Variants in TASP1 observed in about 807,000 individuals in gnomAD.
TASP1 encodes threonine aspartase 1.
In TASP1, 16 loss-of-function variants were observed where a neutral mutation model predicts 56.6. The ratio of observed to expected loss-of-function variants is 0.28; its 90% confidence interval spans 0.19 to 0.43. TASP1 has a LOEUF of 0.43. Among genes scored for constraint, TASP1 ranks in the 20% least tolerant of loss-of-function variants. The pLI, the probability that TASP1 is intolerant of heterozygous loss-of-function variation, is 1.00. For missense variants in TASP1, 393 were observed against 511.6 expected (o/e 0.77, Z 2.24); for synonymous variants, 179 against 184.2 (o/e 0.97, Z 0.23).
At chr20:13,381,033 G>A in the TASP1 span, among the ~76,000 whole-genome samples, 11 of 152,138 alleles carry the variant, frequency 7.2e-5, no homozygotes, top group Admixed American at 1.3e-4. Flanking sequence ...GGGATCTGCC[G>A]AGCTAGACCA....
the TASP1 span, among the ~76,000 whole-genome samples, chr20:13,134,023 A>C: frequency 6.6e-6 from 1 of 152,200 alleles, no homozygotes. Context: ...GGCCACGCTC[A>C]AACTGTGAAC....
chr20:13,330,172 T>C, the TASP1 span, among the ~76,000 whole-genome samples: 5 of 151,996 alleles, frequency 3.3e-5, no homozygotes, highest in African/African-American at 1.2e-4. Flanking sequence ...GGCCAGGCTG[T>C]CTGAACTCCT....
At chr20:13,419,764 G>C (rs959381978) in intron 12 of TASP1, among the ~76,000 whole-genome samples, 2 of 152,164 alleles carry the variant, frequency 1.3e-5, no homozygotes, top group African/African-American at 4.8e-5. Flanking sequence ...GGGCAAAATG[G>C]AGTTCCTCAG....
In TASP1 at chr20:13,415,444, CT is replaced by C. The variant is rs368921864; in HGVS notation, c.1170+2003del. Among the ~76,000 whole-genome samples the C allele has an allele frequency of 9.7e-3, 1,289 of 133,008 alleles. 7 individuals are homozygous for C. The highest frequency in any genetic ancestry group is 0.022 in the Admixed American group (287 of 13,204). The allele number at this position is 133,008 out of a possible 152,430, so 87.3% of individuals were successfully genotyped here. ...ATTAGTGTTTTTGTTTTGGGGTTTT[CT>C]TTTTTTTTTTTTTTTTCCTTGAAAG... On this transcript the variant is annotated intron_variant, in intron 13 of 13. Transcript: ENST00000337743.
At chr20:13,264,888 A>C in the TASP1 span, among the ~76,000 whole-genome samples, 1 of 152,160 alleles carries the variant, frequency 6.6e-6, no homozygotes, top group Non-Finnish European at 1.5e-5. Context: ...GATGAGAATG[A>C]GGAAGGAGGG....
At chr20:13,215,722 C>T in the TASP1 span, among the ~76,000 whole-genome samples, 35 of 152,298 alleles carry the variant, frequency 2.3e-4, no homozygotes, top group African/African-American at 8.2e-4. Context: ...TTGGTGGTCT[C>T]TTGCATTCTC....
At chr20:13,478,870 T>C (rs1042299643) in intron 11 of TASP1, among the ~76,000 whole-genome samples, 2 of 152,174 alleles carry the variant, frequency 1.3e-5, no homozygotes, top group Admixed American at 6.5e-5. Context: ...AGCACTTATA[T>C]GCAGTAAAAT....
At chr20:13,628,157 T>G (rs2048964023) in intron 2 of TASP1, among the ~76,000 whole-genome samples, 1 of 152,230 alleles carries the variant, frequency 6.6e-6, no homozygotes, top group South Asian at 2.1e-4. Context: ...AGCTTCTGAA[T>G]TCCATTATTT....
chr20:13,576,390 A>T (rs200014256), intron 6 of TASP1, among the ~76,000 whole-genome samples: 34 of 147,458 alleles, frequency 2.3e-4, no homozygotes, highest in African/African-American at 8.4e-4. Flanking sequence ...AGAAAGAAAG[A>T]AAGAAAGTCA....
intron 11 of TASP1, among the ~76,000 whole-genome samples, chr20:13,435,454 A>T (rs2042968690): frequency 6.6e-6 from 1 of 152,182 alleles, no homozygotes; most frequent in Admixed American, 6.5e-5. Flanking sequence ...CCAAAACACA[A>T]ATACAGGAAA....
At chr20:13,288,434 T>A in the TASP1 span, 1 of 1,230,564 alleles carries the variant, frequency 8.1e-7, no homozygotes. Context: ...AGCAATCCCC[T>A]CCCACAGCGA....
chr20:13,418,100 C>T (rs557082502), intron 12 of TASP1, among the ~76,000 whole-genome samples: 11 of 152,158 alleles, frequency 7.2e-5, no homozygotes, highest in East Asian at 1.9e-4. Flanking sequence ...TTAGTAGAGA[C>T]GGGGTTTCAC....
At chr20:13,449,733 C>T (rs563198828) in intron 11 of TASP1, among the ~76,000 whole-genome samples, 5 of 152,052 alleles carry the variant, frequency 3.3e-5, no homozygotes, top group Non-Finnish European at 5.9e-5. Context: ...TACTGTTATA[C>T]GTGAACTTAC....
At chr20:13,407,174 G>A (rs1002672975) in intron 13 of TASP1, among the ~76,000 whole-genome samples, 11 of 152,090 alleles carry the variant, frequency 7.2e-5, no homozygotes, top group African/African-American at 2.4e-4. Context: ...TGCAAAATGT[G>A]CAATGTTCTA....
intron 10 of TASP1, among the ~76,000 whole-genome samples, chr20:13,488,565 T>G (rs4371413): frequency 6.6e-6 from 1 of 152,174 alleles, no homozygotes; most frequent in Non-Finnish European, 1.5e-5. Context: ...CAGCTCACTT[T>G]TACTCTGCCC....
chr20:13,604,987 CAT>C (rs3042652), intron 4 of TASP1, among the ~76,000 whole-genome samples: 63,839 of 140,190 alleles, frequency 0.46, 14,334 homozygotes, highest in South Asian at 0.64. Context: ...AGACATAATA[CAT>C]ATATATATAT....
At chr20:13,272,300 C>T in the TASP1 span, among the ~76,000 whole-genome samples, 1 of 152,166 alleles carries the variant, frequency 6.6e-6, no homozygotes, top group Admixed American at 6.5e-5. Context: ...AGTTGTTTTG[C>T]TCTTAACACC....
chr20:13,574,347 C>T (rs928596587), intron 6 of TASP1, among the ~76,000 whole-genome samples: 42 of 152,180 alleles, frequency 2.8e-4, no homozygotes, highest in African/African-American at 9.9e-4. Flanking sequence ...AACTTAGCCA[C>T]ATCCTAGAAT....
Position 13,389,812 on chromosome 20 carries a change from A to T in TASP1, c.*548T>A, listed in dbSNP as rs1018462334. Reference sequence around the variant, plus strand: ...AAAAATGCCCCATATAAGGGATGAGAACAACAGTTTAAGTTACCACAGGAT... The same window carrying T: ...AAAAATGCCCCATATAAGGGATGAGTACAACAGTTTAAGTTACCACAGGAT... On this transcript the variant is annotated 3_prime_UTR_variant, in exon 14 of 14. Coordinates refer to ENST00000337743, the MANE Select transcript of TASP1 (RefSeq NM_017714.3). 1 of 153,202 alleles carries T rather than the reference A, an allele frequency of 6.5e-6. No individual in the cohort carries two copies. The highest frequency in any genetic ancestry group is 2.4e-5 in the African/African-American group (1 of 41,468). 9.5% of individuals were successfully genotyped at this position (153,202 alleles called of 1,614,324 possible). A position where few individuals can be genotyped will look rare whatever the true frequency, so the allele number is the denominator to read the frequency against.
Sources: allele counts gnomAD v4.1 joint callset (sites outside exome capture counted in the v4.1 genomes callset), GRCh38; gene constraint gnomAD v4.1.1; transcripts MANE v1.5; gene names NCBI Gene and HGNC (gene_info 2026-07-23, HGNC 2026-07-21).